The following ZFYVE9 variants were observed in gnomAD, a reference collection of about 807,000 sequenced individuals.
The protein encoded by ZFYVE9 is zinc finger FYVE domain-containing protein 9.
A neutral mutation model predicts 126.7 loss-of-function variants in ZFYVE9; 43 were observed. The observed-to-expected ratio is 0.34, with a 90% confidence interval of 0.27 to 0.44. The LOEUF (loss-of-function observed/expected upper bound fraction) is 0.44. Among genes scored for constraint, ZFYVE9 ranks in the 20% least tolerant of loss-of-function variants. The pLI is 1.00. For synonymous variants in ZFYVE9, 521 were observed against 597.4 expected (o/e 0.87, Z 1.87); for missense variants, 1,476 against 1,697.0 (o/e 0.87, Z 2.29).
intron 13 of ZFYVE9, among the ~76,000 whole-genome samples, chr1:52,304,228 A>T (rs142876323): frequency 0.011 from 1,648 of 152,134 alleles, 23 homozygotes; most frequent in African/African-American, 0.038. Context: ...TGAGATTTTT[A>T]AAATGTCCCC....
At chr1:52,307,126 A>G (rs1646092632) in intron 13 of ZFYVE9, among the ~76,000 whole-genome samples, 1 of 152,250 alleles carries the variant, frequency 6.6e-6, no homozygotes, top group Non-Finnish European at 1.5e-5. Flanking sequence ...TCCCAAGCAA[A>G]TAACATATTG....
intron 4 of ZFYVE9, among the ~76,000 whole-genome samples, chr1:52,261,230 T>C (rs200627993): frequency 7.9e-4 from 116 of 147,388 alleles, no homozygotes; most frequent in East Asian, 7.3e-3. Flanking sequence ...TTCTTTCTTT[T>C]TTTTTTTTTT....
chr1:52,156,180 C>T (rs775126169), intron 1 of ZFYVE9, among the ~76,000 whole-genome samples: 7 of 152,212 alleles, frequency 4.6e-5, no homozygotes, highest in Non-Finnish European at 5.9e-5. Flanking sequence ...TTCTGATCCT[C>T]TTTTCTGATT....
chr1:52,286,818 T>A (rs760963233), intron 10 of ZFYVE9, among the ~76,000 whole-genome samples: 1 of 152,190 alleles, frequency 6.6e-6, no homozygotes, highest in Non-Finnish European at 1.5e-5. Flanking sequence ...CCTATATTTT[T>A]AGTCTCATCT....
Position 52,257,132 on chromosome 1 carries a change from T to C in ZFYVE9, c.2179-6641T>C, listed in dbSNP as rs1019904291. On this transcript the variant is annotated intron_variant, in intron 4 of 18. Coordinates refer to ENST00000287727, the MANE Select transcript of ZFYVE9 (RefSeq NM_004799.4). ...TGAATATAAAGCATGTTCACAGATT[T>C]AGCAATAGGATTTGTTATGTGGAAA... Among the ~76,000 whole-genome samples, 7 of 152,208 alleles carry C rather than the reference T, an allele frequency of 4.6e-5. No individual in the cohort carries two copies. In the South Asian group the frequency reaches 1.0e-3, roughly 23 times the overall value.
chr1:52,194,886 A>G (rs983342530), intron 1 of ZFYVE9, among the ~76,000 whole-genome samples: 1 of 152,210 alleles, frequency 6.6e-6, no homozygotes, highest in Non-Finnish European at 1.5e-5. Context: ...CTATTCAGCT[A>G]TTTAAAAAGA....
chr1:52,196,681 C>G (rs1644863825), intron 1 of ZFYVE9, among the ~76,000 whole-genome samples: 1 of 151,882 alleles, frequency 6.6e-6, no homozygotes, highest in Non-Finnish European at 1.5e-5. Context: ...ATCAATAAAG[C>G]CTGGAAGGAT....
chr1:52,227,004 A>G (rs1645176374), intron 2 of ZFYVE9, among the ~76,000 whole-genome samples: 1 of 152,226 alleles, frequency 6.6e-6, no homozygotes. Flanking sequence ...TGGGGCCCCA[A>G]GATTTTCCTT....
At position 52,281,687 on chromosome 1, in the gene ZFYVE9, A is replaced by G. The variant is rs1645806908; in HGVS notation, c.2896A>G (p.Thr966Ala). Residue 966 changes from threonine (T) to alanine (A), a missense_variant, in exon 10 of 19, where the codon ACA becomes GCA. Thr to Ala is a moderately conservative substitution (Grantham distance 58). Around this residue, in one of 2 missense-constraint regions of ZFYVE9, gnomAD observed 669 missense variants for 902.4 expected, o/e 0.74. Transcript: ENST00000287727. The stretch of plus-strand genomic sequence containing the variant: ...TGTGAACAGGAAGTGCTGGTGTTTC[A>G]CAACCAAGGGAATGCATGCAGTGGG... ...NYVNRKCWCF[T>A]TKGMHAVGQS... 6.2e-7 allele frequency: 1 copy of G among 1,613,978 alleles called. No individual in the cohort carries two copies. The highest frequency in any genetic ancestry group is 1.3e-5 in the African/African-American group (1 of 74,914).
intron 13 of ZFYVE9, among the ~76,000 whole-genome samples, chr1:52,315,489 C>T (rs1646175239): frequency 6.6e-6 from 1 of 151,692 alleles, no homozygotes; most frequent in African/African-American, 2.4e-5. Flanking sequence ...TATGTAGAGA[C>T]AAAAATGTAG....
At chr1:52,205,081 T>TTTG (rs2124576255) in intron 1 of ZFYVE9, among the ~76,000 whole-genome samples, 1 of 149,860 alleles carries the variant, frequency 6.7e-6, no homozygotes, top group East Asian at 1.9e-4. Context: ...TTTTTTTTTT[T>TTTG]TTTTTTTTTT....
At chr1:52,164,371 G>A (rs1224719803) in intron 1 of ZFYVE9, among the ~76,000 whole-genome samples, 3 of 151,850 alleles carry the variant, frequency 2.0e-5, no homozygotes, top group African/African-American at 7.3e-5. Context: ...GCACCACCAC[G>A]TCCAGCTAAT....
At chr1:52,181,339 C>T (rs1339850078) in intron 1 of ZFYVE9, among the ~76,000 whole-genome samples, 1 of 152,242 alleles carries the variant, frequency 6.6e-6, no homozygotes, top group East Asian at 1.9e-4. Flanking sequence ...CCAGCCTCGG[C>T]CTCCCGAGGT....
chr1:52,235,790 C>T (rs1645267974), intron 3 of ZFYVE9, among the ~76,000 whole-genome samples: 1 of 152,108 alleles, frequency 6.6e-6, no homozygotes. Context: ...CCCAGTTCTT[C>T]TTGCCTTCAT....
intron 13 of ZFYVE9, among the ~76,000 whole-genome samples, chr1:52,319,741 G>A (rs141823737): frequency 0.043 from 6,582 of 151,636 alleles, 224 homozygotes; most frequent in Non-Finnish European, 0.069. Flanking sequence ...ATAGCCAGGC[G>A]CAGTGGCTCA....
At position 52,281,832 on chromosome 1, in the gene ZFYVE9, G is replaced by C. The variant is rs1384391822; in HGVS notation, c.3025+16G>C. 6.2e-7 allele frequency: 1 copy of C among 1,613,804 alleles called. No individual in the cohort carries two copies. Among genetic ancestry groups the C allele is most frequent in the African/African-American group, 1.3e-5 (1 of 74,914 alleles). On this transcript the variant is annotated intron_variant, in intron 10 of 18. Transcript: ENST00000287727. Reference sequence around the variant, plus strand: ...GCTCTGGCAGGTAGGAATGCTTTATGACTTAGTCTGCTCCCTTTGTAGATG... The same window carrying C: ...GCTCTGGCAGGTAGGAATGCTTTATCACTTAGTCTGCTCCCTTTGTAGATG...
chr1:52,217,129 C>G (rs1039828796), intron 2 of ZFYVE9, among the ~76,000 whole-genome samples: 4 of 152,202 alleles, frequency 2.6e-5, no homozygotes, highest in Non-Finnish European at 5.9e-5. Flanking sequence ...GCACCTATTA[C>G]AAATGCAAGA....
At chr1:52,266,548 T>C (rs1645635745) in intron 5 of ZFYVE9, 107 bp from the exon 6 acceptor site, 2 of 939,992 alleles carry the variant, frequency 2.1e-6, no homozygotes, top group Non-Finnish European at 3.1e-6. Flanking sequence ...AGAGACATAC[T>C]ATGAGTATTA....
chr1:52,316,321 A>G (rs985419649), intron 13 of ZFYVE9, among the ~76,000 whole-genome samples: 7 of 151,958 alleles, frequency 4.6e-5, no homozygotes, highest in African/African-American at 1.7e-4. Flanking sequence ...CCCCGTCTCT[A>G]GTAAACACAA....
Sources: gnomAD v4.1 joint callset for allele counts (sites outside exome capture counted in the v4.1 genomes callset) on GRCh38, gnomAD v4.1.1 for gene constraint, gnomAD v4.1.1 regional missense constraint, MANE v1.5 for transcripts, NCBI Gene and HGNC (gene_info 2026-07-23, HGNC 2026-07-21) for gene names.